ATPAF1: variants seen among roughly 807,000 people sequenced by gnomAD.
The protein encoded by ATPAF1 is ATP synthase mitochondrial F1 complex assembly factor 1, also known as homolog of yeast ATP11.
A neutral mutation model predicts 43.9 loss-of-function variants in ATPAF1; 26 were observed. The ratio of observed to expected loss-of-function variants is 0.59; its 90% CI spans 0.43 to 0.82. The LOEUF is 0.82. ATPAF1 is among the 40% of genes least tolerant of loss of function. The pLI, the probability that ATPAF1 is intolerant of heterozygous loss-of-function variation, is 0.00. For synonymous variants in ATPAF1, 157 were observed against 168.0 expected (o/e 0.93, Z 0.50); for missense variants, 366 against 435.0 (o/e 0.84, Z 1.41).
intron 7 of ATPAF1, 139 bp from the exon 8 acceptor site, chr1:46,643,440 G>A (rs1468959931): frequency 1.6e-6 from 1 of 637,524 alleles, no homozygotes; most frequent in East Asian, 2.8e-5. Context: ...ACTGGTATGT[G>A]GTGGTAAGGT....
At position 46,646,057 on chromosome 1, in the gene ATPAF1, T is replaced by A. The variant is rs922735594; in HGVS notation, c.589-801A>T. Among the ~76,000 whole-genome samples, 4 of 152,302 alleles carry A rather than the reference T, an allele frequency of 2.6e-5. No individual in the cohort carries two copies. The East Asian group carries it at 7.7e-4, about 29-fold the overall frequency. On this transcript the variant is annotated intron_variant, in intron 6 of 8. Transcript: ENST00000574428. ...CAGGTGTGGTGGCATGTGCCTGTTGTCCTAGCTACTCGGGGGCTGAGGCAG... is the reference window on the plus strand; with the variant it reads ...CAGGTGTGGTGGCATGTGCCTGTTGACCTAGCTACTCGGGGGCTGAGGCAG...
chr1:46,668,397 T>C (rs1676533670), upstream of ATPAF1: 3 of 1,180,180 alleles, frequency 2.5e-6, no homozygotes, highest in African/African-American at 1.6e-5. This position sits in a 1 kb window ranked among gnomAD's most constrained non-coding sequence, Gnocchi z 4.4. Flanking sequence ...TCCATCCCGC[T>C]CCGAGTGCGC....
exon 8 of ATPAF1, chr1:46,643,285 G>A: frequency 6.2e-7 from 1 of 1,613,104 alleles, no homozygotes; most frequent in Non-Finnish European, 8.5e-7. Context: ...CTGGCTGGCT[G>A]CAGCTTCCCC....
At chr1:46,658,257 T>G in intron 3 of ATPAF1, 68 bp from the exon 4 acceptor site, 3 of 1,217,642 alleles carry the variant, frequency 2.5e-6, no homozygotes. Context: ...TAACTCTATC[T>G]CTAAGCCTGT....
exon 2 of ATPAF1, chr1:46,665,320 T>G (rs760877881): frequency 1.2e-5 from 20 of 1,614,278 alleles, no homozygotes; most frequent in Non-Finnish European, 1.7e-5. Flanking sequence ...CTTCCGAAAT[T>G]CACTGCGTTT....
At chr1:46,644,158 G>C (rs1745376) in intron 7 of ATPAF1, among the ~76,000 whole-genome samples, 132,633 of 152,004 alleles carry the variant, frequency 0.87, 59,742 homozygotes, top group Non-Finnish European at 0.99. Context: ...TTCTCCTAAA[G>C]CTGAATATTA....
At chr1:46,663,627 G>T (rs931855609) in intron 2 of ATPAF1, among the ~76,000 whole-genome samples, 16 of 149,968 alleles carry the variant, frequency 1.1e-4, no homozygotes, top group African/African-American at 1.5e-4. Context: ...TTTTGATGGG[G>T]TTTTTTTTTT....
chr1:46,662,903 G>A (rs994750888), intron 2 of ATPAF1, among the ~76,000 whole-genome samples: 2 of 151,848 alleles, frequency 1.3e-5, no homozygotes, highest in Admixed American at 6.6e-5. Context: ...TTTAACATTA[G>A]GTATATCTCC....
chr1:46,647,165 C>T (rs1569605717), intron 6 of ATPAF1, among the ~76,000 whole-genome samples: 1 of 152,176 alleles, frequency 6.6e-6, no homozygotes, highest in East Asian at 1.9e-4. Context: ...TTGCAGAAAT[C>T]ATAGGCAGTG....
Position 46,658,199 on chromosome 1 carries a change from G to T in ATPAF1, c.427-10C>A. ...AGATTGAACTGAGAGTCTTGAAAGAGACAATAAAAAGCAATTAACACATAA... is the reference window on the plus strand; with the variant it reads ...AGATTGAACTGAGAGTCTTGAAAGATACAATAAAAAGCAATTAACACATAA... On this transcript the variant is annotated splice_polypyrimidine_tract_variant and intron_variant, in intron 3 of 8. Coordinates refer to ENST00000574428, the Ensembl canonical transcript of ATPAF1. 6.6e-7 allele frequency: 1 copy of T among 1,513,742 alleles called. No individual in the cohort carries two copies. Among genetic ancestry groups the T allele is most frequent in the Non-Finnish European group, 8.9e-7 (1 of 1,120,146 alleles). 93.8% of individuals were successfully genotyped at this position (1,513,742 alleles called of 1,614,324 possible).
At chr1:46,650,999 T>C (rs1239778523) in intron 6 of ATPAF1, among the ~76,000 whole-genome samples, 1 of 151,986 alleles carries the variant, frequency 6.6e-6, no homozygotes, top group East Asian at 1.9e-4. Context: ...TTTTTATTTA[T>C]TTATTTATTA....
chr1:46,652,739 G>T, intron 5 of ATPAF1, 111 bp from the exon 6 acceptor site: 1 of 891,940 alleles, frequency 1.1e-6, no homozygotes. Flanking sequence ...AACTAAAACA[G>T]TCATTTAAGT....
chr1:46,646,146 G>GA (rs569956500), intron 6 of ATPAF1, among the ~76,000 whole-genome samples: 2 of 152,284 alleles, frequency 1.3e-5, no homozygotes, highest in South Asian at 2.1e-4. Context: ...CCTGTCTTTA[G>GA]AAAAATTTTT....
intron 4 of ATPAF1, 54 bp downstream of exon 4, chr1:46,658,073 G>C (rs979087969): frequency 5.3e-6 from 8 of 1,510,020 alleles, no homozygotes; most frequent in Admixed American, 1.8e-5. Flanking sequence ...TTTCAGATTT[G>C]GTTCACAGAA....
chr1:46,667,936 A>T, intron 1 of ATPAF1, 121 bp downstream of exon 1: 2 of 772,924 alleles, frequency 2.6e-6, no homozygotes, highest in Non-Finnish European at 3.5e-6. Context: ...GAGCCTGGCT[A>T]CATCATCTGA....
intron 6 of ATPAF1, among the ~76,000 whole-genome samples, chr1:46,650,013 C>CCTAAAT (rs1676134130): frequency 6.6e-6 from 1 of 152,182 alleles, no homozygotes; most frequent in Non-Finnish European, 1.5e-5. Flanking sequence ...TAGGTATTCT[C>CCTAAAT]TGTTTTCAGC....
At chr1:46,646,568 A>T (rs1042284301) in intron 6 of ATPAF1, among the ~76,000 whole-genome samples, 10 of 152,228 alleles carry the variant, frequency 6.6e-5, no homozygotes, top group African/African-American at 2.4e-4. Context: ...CCCAATACAC[A>T]TTAGTCACAA....
intron 2 of ATPAF1, among the ~76,000 whole-genome samples, chr1:46,661,333 C>T: frequency 6.6e-6 from 1 of 152,092 alleles, no homozygotes; most frequent in Non-Finnish European, 1.5e-5. Flanking sequence ...ACCTTGGCCT[C>T]CCAAAGTACT....
chr1:46,642,988 C>CAGA (rs1198116332), intron 8 of ATPAF1, among the ~76,000 whole-genome samples: 2 of 152,166 alleles, frequency 1.3e-5, no homozygotes, highest in Non-Finnish European at 2.9e-5. Flanking sequence ...CCATGGGTTT[C>CAGA]AGAATTGTGA....
Sources: allele counts gnomAD v4.1 joint callset (sites outside exome capture counted in the v4.1 genomes callset), GRCh38; gene constraint gnomAD v4.1.1; non-coding constraint Gnocchi (gnomAD v3.1); transcripts MANE v1.5; gene names NCBI Gene and HGNC (gene_info 2026-07-23, HGNC 2026-07-21).